LRRK2: variants seen among roughly 807,000 people sequenced by gnomAD.
LRRK2 encodes the protein leucine rich repeat kinase 2.
Under a neutral mutation model 302.6 loss-of-function variants are expected in LRRK2, and 203 were observed. The ratio of observed to expected loss-of-function variants is 0.67; its 90% CI spans 0.60 to 0.75. The LOEUF (loss-of-function observed/expected upper bound fraction) is 0.75. Among genes scored for constraint, LRRK2 ranks in the 30% least tolerant of loss-of-function variants. LRRK2 has a pLI of 0.00. For synonymous variants in LRRK2, 1,066 were observed against 1,031.9 expected, an observed-to-expected ratio of 1.03 and a Z score of -0.63; for missense variants, 2,830 against 2,951.0, an observed-to-expected ratio of 0.96 and a Z score of 0.95.
Position 40,362,718 on chromosome 12 carries a change from A to T in LRRK2, c.7029-684A>T, listed in dbSNP as rs537928095. ...GGCCAAGTAGGAGTTTGCCATGCTG[A>T]TGTGGCCCAAGGTAGCCAATCTGTT... On this transcript the variant is annotated intron_variant, in intron 47 of 50. Coordinates refer to ENST00000298910, the MANE Select transcript of LRRK2 (RefSeq NM_198578.4). Among the ~76,000 whole-genome samples the T allele has an allele frequency of 1.3e-4, 20 of 152,200 alleles. No homozygotes were observed. In the East Asian group the frequency reaches 3.1e-3, roughly 24 times the overall value.
chr12:40,250,151 A>G (rs1484477457), intron 8 of LRRK2, among the ~76,000 whole-genome samples: 1 of 152,218 alleles, frequency 6.6e-6, no homozygotes, highest in Non-Finnish European at 1.5e-5. Flanking sequence ...GCTTTACATC[A>G]TTCTTGATTT....
At chr12:40,227,820 C>G (rs899002846) in intron 2 of LRRK2, 1 of 152,172 alleles carries the variant, frequency 6.6e-6, no homozygotes, top group African/African-American at 2.4e-5. Flanking sequence ...CTCAGCCTCC[C>G]AGGTAGCTAG....
chr12:40,359,540 T>A, intron 47 of LRRK2, 96 bp downstream of exon 47: 2 of 989,784 alleles, frequency 2.0e-6, no homozygotes, highest in South Asian at 3.2e-5. Flanking sequence ...ATAAGGAAGA[T>A]CTTTTAAAAT....
intron 16 of LRRK2, among the ~76,000 whole-genome samples, chr12:40,276,969 C>T (rs1295806927): frequency 6.6e-6 from 1 of 152,046 alleles, no homozygotes; most frequent in Non-Finnish European, 1.5e-5. Context: ...ACCTCAGCCT[C>T]CTGAGTAGCT....
At position 40,298,569 on chromosome 12, in the gene LRRK2, A is replaced by T. The variant is rs1944470410; in HGVS notation, c.3347+76A>T. 3.2e-6 allele frequency: 5 copies of T among 1,561,842 alleles called. No individual in the cohort carries two copies. In the East Asian group the frequency reaches 1.1e-4, roughly 35 times the overall value. On this transcript the variant is annotated intron_variant, in intron 24 of 50. Transcript: ENST00000298910. Reference sequence around the variant, plus strand: ...TAACAAAATATGCTGACATTTTTATAGCAATGAGTTTTAACAACATGGTGA... The same window carrying T: ...TAACAAAATATGCTGACATTTTTATTGCAATGAGTTTTAACAACATGGTGA...
At chr12:40,301,862 C>T (rs1944640014) in intron 25 of LRRK2, among the ~76,000 whole-genome samples, 1 of 152,092 alleles carries the variant, frequency 6.6e-6, no homozygotes. Context: ...GGAGGTACCT[C>T]ATACTGCATT....
chr12:40,350,058 T>C (rs1222418476), intron 43 of LRRK2, among the ~76,000 whole-genome samples: 5 of 152,190 alleles, frequency 3.3e-5, no homozygotes, highest in African/African-American at 1.2e-4. Flanking sequence ...TTTTGCTCCC[T>C]CTCCCCGCTC....
intron 47 of LRRK2, among the ~76,000 whole-genome samples, chr12:40,362,897 C>T (rs1946756792): frequency 6.6e-6 from 1 of 152,010 alleles, no homozygotes; most frequent in African/African-American, 2.4e-5. Context: ...TATAATTTGA[C>T]TGGCTTAACT....
chr12:40,236,848 T>C (rs1297642610), intron 4 of LRRK2, among the ~76,000 whole-genome samples: 1 of 152,110 alleles, frequency 6.6e-6, no homozygotes, highest in Non-Finnish European at 1.5e-5. Context: ...AACCTCACCC[T>C]TGGGAGGTAT....
At chr12:40,341,228 T>A (rs775043217) in intron 41 of LRRK2, among the ~76,000 whole-genome samples, 3 of 152,196 alleles carry the variant, frequency 2.0e-5, no homozygotes, top group Non-Finnish European at 2.9e-5. Context: ...CTTTATATAG[T>A]TAGTTATTTG....
At chr12:40,352,146 T>A (rs1316132181) in intron 44 of LRRK2, among the ~76,000 whole-genome samples, 1 of 152,204 alleles carries the variant, frequency 6.6e-6, no homozygotes, top group Non-Finnish European at 1.5e-5. Flanking sequence ...CATTCTCACA[T>A]ATTGTTCAGT....
At chr12:40,347,013 T>C in intron 42 of LRRK2, 90 bp downstream of exon 42, 1 of 1,001,240 alleles carries the variant, frequency 1.0e-6, no homozygotes, top group African/African-American at 1.9e-5. Flanking sequence ...CTTAATTCCT[T>C]AAACAGATGA....
intron 42 of LRRK2, 143 bp downstream of exon 42, chr12:40,347,066 A>T: frequency 1.4e-6 from 1 of 696,504 alleles, no homozygotes. Context: ...AAATCTTGTG[A>T]TATATTAATA....
chr12:40,312,761 C>G (rs563255311), intron 31 of LRRK2: 2 of 152,016 alleles, frequency 1.3e-5, no homozygotes, highest in East Asian at 3.9e-4. Flanking sequence ...AAAACTCATC[C>G]CGTTTCTACT....
chr12:40,350,107 G>A (rs190316343), intron 43 of LRRK2, among the ~76,000 whole-genome samples: 39 of 152,268 alleles, frequency 2.6e-4, no homozygotes, highest in Non-Finnish European at 4.4e-4. Flanking sequence ...ATATACCAAT[G>A]AAGGTGGAAA....
At chr12:40,356,303 C>A in intron 46 of LRRK2, 116 bp downstream of exon 46, 2 of 734,460 alleles carry the variant, frequency 2.7e-6, no homozygotes, top group Non-Finnish European at 2.2e-6. Flanking sequence ...ATAAATTATG[C>A]TGTATTTGTA....
chr12:40,293,832 G>A (rs1009857605), intron 21 of LRRK2, among the ~76,000 whole-genome samples, 169 bp downstream of exon 21: 2 of 150,798 alleles, frequency 1.3e-5, no homozygotes, highest in African/African-American at 4.9e-5. Flanking sequence ...CATATTAGAT[G>A]TAAATTATGC....
At chr12:40,274,519 C>G (rs1943367461) in intron 14 of LRRK2, 64 bp from the exon 15 acceptor site, 1 of 1,536,316 alleles carries the variant, frequency 6.5e-7, no homozygotes, top group Non-Finnish European at 9.0e-7. Flanking sequence ...CAGTCTATAA[C>G]TGGTCTTAAC....
intron 13 of LRRK2, 116 bp from the exon 14 acceptor site, chr12:40,263,673 A>G (rs1454402035): frequency 1.5e-6 from 1 of 675,268 alleles, no homozygotes; most frequent in African/African-American, 1.8e-5. Context: ...GTACTAGAAA[A>G]AAGTACAACA....
Sources: allele counts gnomAD v4.1 joint callset (sites outside exome capture counted in the v4.1 genomes callset), GRCh38; gene constraint gnomAD v4.1.1; transcripts MANE v1.5; gene names NCBI Gene and HGNC (gene_info 2026-07-23, HGNC 2026-07-21).